MAP7: variants seen among roughly 807,000 people sequenced by gnomAD.
The protein encoded by MAP7 is ensconsin.
Under a neutral mutation model 94.8 loss-of-function variants are expected in MAP7, and 52 were observed. The observed-to-expected ratio is 0.55, with a 90% CI of 0.44 to 0.69. The LOEUF is 0.69. Ranked by LOEUF, MAP7 falls within the 30% of genes least tolerant of loss-of-function variation. The pLI, the probability that MAP7 is intolerant of heterozygous loss-of-function variation, is 0.00. For synonymous variants in MAP7, 350 were observed against 357.0 expected (o/e 0.98, Z 0.22); for missense variants, 940 against 964.6 (o/e 0.97, Z 0.34).
intron 1 of MAP7, among the ~76,000 whole-genome samples, chr6:136,428,028 T>C (rs1793712956): frequency 6.6e-6 from 1 of 152,210 alleles, no homozygotes; most frequent in South Asian, 2.1e-4. Flanking sequence ...CAGTCCAACA[T>C]GGTGTATAGT....
At chr6:136,352,033 T>C (rs996909278) in intron 16 of MAP7, among the ~76,000 whole-genome samples, 2 of 151,980 alleles carry the variant, frequency 1.3e-5, no homozygotes, top group African/African-American at 2.4e-5. Flanking sequence ...CTCTGGCAAG[T>C]TCTGCTGGCA....
chr6:136,457,205 G>A (rs1201194644), intron 1 of MAP7, among the ~76,000 whole-genome samples: 1 of 151,342 alleles, frequency 6.6e-6, no homozygotes, highest in Non-Finnish European at 1.5e-5. Flanking sequence ...AACCTAAAAG[G>A]AGGAGAAAAA....
At chr6:136,454,839 C>A (rs1414283558) in intron 1 of MAP7, among the ~76,000 whole-genome samples, 1 of 152,012 alleles carries the variant, frequency 6.6e-6, no homozygotes, top group Admixed American at 6.5e-5. Context: ...TTCGGGACTA[C>A]AGAGAGCTAT....
At chr6:136,449,394 C>T (rs1472159550) in intron 1 of MAP7, among the ~76,000 whole-genome samples, 2 of 152,228 alleles carry the variant, frequency 1.3e-5, no homozygotes, top group African/African-American at 4.8e-5. Flanking sequence ...ATTCGAGAAT[C>T]GTGCAGCTCC....
intron 2 of MAP7, among the ~76,000 whole-genome samples, chr6:136,416,353 C>G (rs931261139): frequency 1.3e-5 from 2 of 152,046 alleles, no homozygotes; most frequent in Non-Finnish European, 2.9e-5. Flanking sequence ...TAACTAAAAA[C>G]TGATAAAAAT....
At chr6:136,476,958 C>A (rs990570889) in intron 1 of MAP7, among the ~76,000 whole-genome samples, 2 of 152,156 alleles carry the variant, frequency 1.3e-5, no homozygotes, top group Non-Finnish European at 2.9e-5. Context: ...TTTTAAAAAT[C>A]ACTATTTGGC....
chr6:136,501,828 A>G (rs556006791), intron 1 of MAP7, among the ~76,000 whole-genome samples: 8 of 152,136 alleles, frequency 5.3e-5, no homozygotes, highest in Middle Eastern at 6.8e-3. Flanking sequence ...CCCATCACAA[A>G]TTTTCTCTTC....
rs181526546 is a variant in MAP7 at position 136,406,892 on chromosome 6, T to A, written c.244+4728A>T. 1.7e-3 allele frequency among the ~76,000 whole-genome samples: 258 copies of A among 152,282 alleles called. 2 individuals carry two copies. The highest frequency in any genetic ancestry group is 6.1e-3 in the African/African-American group (252 of 41,562). ...AGGGCAGAAAAACAAAAGGGTGTAT[T>A]AACGATTCCATTTTTCTGAGATCCT... is the stretch of plus-strand genomic sequence containing the variant. On this transcript the variant is annotated intron_variant, in intron 3 of 17. Coordinates refer to ENST00000354570, the MANE Select transcript of MAP7 (RefSeq NM_003980.6).
At chr6:136,463,895 G>A (rs970513526) in intron 1 of MAP7, among the ~76,000 whole-genome samples, 3 of 152,176 alleles carry the variant, frequency 2.0e-5, no homozygotes, top group Non-Finnish European at 4.4e-5. Flanking sequence ...GCTAGTGTTC[G>A]AGTGCCTTGC....
chr6:136,447,027 G>A (rs1394323407), intron 1 of MAP7, among the ~76,000 whole-genome samples: 1 of 152,256 alleles, frequency 6.6e-6, no homozygotes, highest in Admixed American at 6.5e-5. Flanking sequence ...AAGTCCATGG[G>A]TAAGTTACAC....
At chr6:136,387,744 A>G (rs1210647416) in intron 5 of MAP7, among the ~76,000 whole-genome samples, 2 of 152,118 alleles carry the variant, frequency 1.3e-5, no homozygotes, top group African/African-American at 4.8e-5. Context: ...TTCAAAGCAA[A>G]TTTAAAAAAA....
intron 1 of MAP7, among the ~76,000 whole-genome samples, chr6:136,541,295 T>C (rs1562495631): frequency 6.6e-6 from 1 of 152,218 alleles, no homozygotes; most frequent in Non-Finnish European, 1.5e-5. Flanking sequence ...GGCTCCTTTC[T>C]AGAACTTCAC....
chr6:136,423,412 T>C (rs1792037169), intron 1 of MAP7, among the ~76,000 whole-genome samples: 2 of 152,218 alleles, frequency 1.3e-5, no homozygotes, highest in South Asian at 2.1e-4. Context: ...TTTTTAGCTC[T>C]CTTCAGGAAA....
intron 1 of MAP7, among the ~76,000 whole-genome samples, chr6:136,540,038 T>TG (rs1211679043): frequency 2.6e-5 from 4 of 151,948 alleles, no homozygotes; most frequent in African/African-American, 7.3e-5. Flanking sequence ...GATGACAATT[T>TG]GAGGTGATAA....
At chr6:136,355,492 C>T (rs116092704) in intron 16 of MAP7, among the ~76,000 whole-genome samples, 1 of 152,092 alleles carries the variant, frequency 6.6e-6, no homozygotes, top group Admixed American at 6.5e-5. Context: ...ATTCCACAGT[C>T]TCAGAAAGAT....
intron 8 of MAP7, among the ~76,000 whole-genome samples, chr6:136,369,570 C>A (rs1357689742): frequency 3.6e-4 from 53 of 145,868 alleles, no homozygotes; most frequent in Admixed American, 3.4e-4. Context: ...GAGACTGTCT[C>A]AAAAAAAAAA....
intron 1 of MAP7, among the ~76,000 whole-genome samples, chr6:136,517,873 A>G (rs1424693982): frequency 1.3e-5 from 2 of 152,188 alleles, no homozygotes; most frequent in African/African-American, 2.4e-5. Context: ...ATAGTTCTAA[A>G]TCGGGGCTCA....
chr6:136,415,685 C>T (rs1290941287), intron 2 of MAP7, among the ~76,000 whole-genome samples: 2 of 152,190 alleles, frequency 1.3e-5, no homozygotes, highest in African/African-American at 2.4e-5. Context: ...GAAAATTATA[C>T]TCTTCGCATG....
At chr6:136,543,043 A>G (rs1829453364) in intron 1 of MAP7, among the ~76,000 whole-genome samples, 1 of 152,204 alleles carries the variant, frequency 6.6e-6, no homozygotes, top group African/African-American at 2.4e-5. Flanking sequence ...TGCTCTGGAA[A>G]AGCTTGGCCA....
Sources: allele counts gnomAD v4.1 joint callset (sites outside exome capture counted in the v4.1 genomes callset), GRCh38; gene constraint gnomAD v4.1.1; transcripts MANE v1.5; gene names NCBI Gene and HGNC (gene_info 2026-07-23, HGNC 2026-07-21).